The following ST6GAL2 variants were observed in gnomAD, a reference collection of about 807,000 sequenced individuals.
ST6GAL2 encodes beta-galactoside alpha-2,6-sialyltransferase 2.
ST6GAL2 carries 24 observed loss-of-function variants against 37.5 expected under a neutral mutation model. That is an observed-to-expected ratio of 0.64 (90% confidence interval 0.46 to 0.90). The LOEUF is 0.90. Among genes scored for constraint, ST6GAL2 ranks in the 40% least tolerant of loss-of-function variants. The pLI, the probability that ST6GAL2 is intolerant of heterozygous loss-of-function variation, is 0.00. For synonymous variants in ST6GAL2, 306 were observed against 295.1 expected (o/e 1.04, Z -0.38); for missense variants, 715 against 712.7 (o/e 1.00, Z -0.04).
At chr2:106,808,739 A>T (rs945974304) in intron 5 of ST6GAL2, among the ~76,000 whole-genome samples, 1 of 152,210 alleles carries the variant, frequency 6.6e-6, no homozygotes, top group African/African-American at 2.4e-5. Context: ...TCCCCTGTAT[A>T]AAATCATATA....
intron 5 of ST6GAL2, among the ~76,000 whole-genome samples, chr2:106,818,496 G>A (rs1382451593): frequency 6.6e-6 from 1 of 152,166 alleles, no homozygotes; most frequent in Non-Finnish European, 1.5e-5. Context: ...GTCTGCAAGG[G>A]CCACAGTGTT....
intron 4 of ST6GAL2, among the ~76,000 whole-genome samples, chr2:106,830,650 T>C (rs1207886675): frequency 1.3e-5 from 2 of 152,176 alleles, no homozygotes; most frequent in Non-Finnish European, 2.9e-5. Flanking sequence ...AAAACACTAT[T>C]TATTAAAACA....
chr2:106,856,006 C>T (rs1257869104), intron 1 of ST6GAL2, among the ~76,000 whole-genome samples: 1 of 152,224 alleles, frequency 6.6e-6, no homozygotes, highest in Non-Finnish European at 1.5e-5. Flanking sequence ...CGATTACAAT[C>T]CTGACTTTTA....
intron 5 of ST6GAL2, among the ~76,000 whole-genome samples, chr2:106,819,638 G>T (rs1675926762): frequency 1.3e-5 from 2 of 152,046 alleles, no homozygotes; most frequent in South Asian, 4.1e-4. Context: ...TGAAAGAAAA[G>T]AATGTTAATG....
chr2:106,881,753 G>A (rs1282347416), intron 1 of ST6GAL2, among the ~76,000 whole-genome samples: 2 of 152,006 alleles, frequency 1.3e-5, no homozygotes, highest in East Asian at 3.9e-4. Flanking sequence ...TTTTTCTCTC[G>A]GGCTCAAACA....
rs150635754 is a variant in ST6GAL2 at position 106,842,644 on chromosome 2, G to A, written c.943+391C>T. ...AGGATGGGTTCACCGGGCTTTCAGG[G>A]GCCACAGCCTGGGGGCATATCCATG... On this transcript the variant is annotated intron_variant, in intron 2 of 5. Transcript: ENST00000409382. Among the ~76,000 whole-genome samples, 45 of 152,288 alleles carry A rather than the reference G, an allele frequency of 3.0e-4. No homozygotes were observed. In the South Asian group the frequency reaches 5.6e-3, roughly 19 times the overall value.
intron 5 of ST6GAL2, among the ~76,000 whole-genome samples, chr2:106,829,474 G>T (rs1458068910): frequency 6.6e-6 from 1 of 152,152 alleles, no homozygotes; most frequent in Non-Finnish European, 1.5e-5. Flanking sequence ...AGCTGAGCTG[G>T]GCCTTTAGCC....
chr2:106,813,534 A>G lies in ST6GAL2; in HGVS notation c.1319-6585T>C, dbSNP rs116394379. On this transcript the variant is annotated intron_variant, in intron 5 of 5. Transcript: ENST00000409382. ...CTTTATACATCTTTAATTGGCATATATAGATATATTTGATGTGTTATCAGA... is the reference window on the plus strand; with the variant it reads ...CTTTATACATCTTTAATTGGCATATGTAGATATATTTGATGTGTTATCAGA... 2.2e-3 allele frequency among the ~76,000 whole-genome samples: 331 copies of G among 152,318 alleles called. 2 individuals are homozygous for G. The highest frequency in any genetic ancestry group is 7.7e-3 in the African/African-American group (322 of 41,574).
chr2:106,863,470 A>G (rs559550343), intron 1 of ST6GAL2, among the ~76,000 whole-genome samples: 1 of 152,188 alleles, frequency 6.6e-6, no homozygotes, highest in African/African-American at 2.4e-5. Flanking sequence ...AACGGGGTTC[A>G]AAATATTTTG....
intron 5 of ST6GAL2, among the ~76,000 whole-genome samples, chr2:106,810,749 A>T (rs1675576236): frequency 6.6e-6 from 1 of 152,192 alleles, no homozygotes; most frequent in Admixed American, 6.5e-5. Flanking sequence ...CAGGAGTTTG[A>T]CACCAGCCTG....
rs757346984 is a variant in ST6GAL2 at position 106,813,153 on chromosome 2, T to C, written c.1319-6204A>G. 1 of 1,270,820 alleles carries C rather than the reference T, an allele frequency of 7.9e-7. No individual in the cohort carries two copies. The allele number at this position is 1,270,820 out of a possible 1,614,324, so 78.7% of individuals were successfully genotyped here. ...TTTGAGATGGAGTCTCACTCTGTCG[T>C]CCAGGCTGGAGTGCAGTCGCGTGAT... On this transcript the variant is annotated intron_variant, in intron 5 of 5. Coordinates refer to ENST00000409382, the MANE Select transcript of ST6GAL2 (RefSeq NM_001142351.2).
intron 1 of ST6GAL2, among the ~76,000 whole-genome samples, chr2:106,868,400 C>A (rs1558724814): frequency 6.6e-6 from 1 of 152,202 alleles, no homozygotes. Context: ...CTACAGCTTA[C>A]AAAGTGCATT....
At chr2:106,846,876 G>A (rs941592120) in intron 1 of ST6GAL2, among the ~76,000 whole-genome samples, 1 of 152,144 alleles carries the variant, frequency 6.6e-6, no homozygotes, top group African/African-American at 2.4e-5. Flanking sequence ...TTCCAGCATC[G>A]AATTAGATAG....
intron 4 of ST6GAL2, among the ~76,000 whole-genome samples, chr2:106,831,691 G>A (rs1161586630): frequency 6.6e-6 from 1 of 152,164 alleles, no homozygotes; most frequent in African/African-American, 2.4e-5. Flanking sequence ...TGAGGTAAAT[G>A]TCCAGCCTCA....
In ST6GAL2 at chr2:106,836,756, C is replaced by T. The variant is rs867906856; in HGVS notation, c.944-2610G>A. On this transcript the variant is annotated intron_variant, in intron 2 of 5. Transcript: ENST00000409382. ...CAGCCTGACCACCATGGAGAAACCC[C>T]GTCTCTACTAAAAATACAAAAAAAA... 3.8e-5 allele frequency among the ~76,000 whole-genome samples: 5 copies of T among 131,656 alleles called. No homozygotes were observed. In the East Asian group the frequency reaches 1.1e-3, roughly 30 times the overall value. 86.4% of individuals were successfully genotyped at this position (131,656 alleles called of 152,430 possible). A position where few individuals can be genotyped will look rare whatever the true frequency, so the allele number is the denominator to read the frequency against.
chr2:106,826,531 C>T (rs1301407590), intron 5 of ST6GAL2, among the ~76,000 whole-genome samples: 1 of 139,602 alleles, frequency 7.2e-6, no homozygotes. Context: ...CACAGCGAGA[C>T]TCCGTCTCAA....
chr2:106,807,269 CA>C (rs1675447333), intron 5 of ST6GAL2, among the ~76,000 whole-genome samples: 1 of 152,166 alleles, frequency 6.6e-6, no homozygotes, highest in Non-Finnish European at 1.5e-5. Context: ...GACAGATTTG[CA>C]ACCCCCCAAA....
In ST6GAL2 at chr2:106,802,090, C is replaced by T. The variant is rs913958655; in HGVS notation, c.*4588G>A. ...AAGGTAGTGTTCTACCTTCATAGTG[C>T]CTTTTAAATAATTCTGTCAGTCCAT... is the stretch of plus-strand genomic sequence containing the variant. On this transcript the variant is annotated 3_prime_UTR_variant, in exon 6 of 6. Coordinates refer to ENST00000409382, the MANE Select transcript of ST6GAL2 (RefSeq NM_001142351.2). The T allele has an allele frequency of 6.6e-6, 1 of 152,138 alleles. No homozygotes were observed. The highest frequency in any genetic ancestry group is 1.5e-5 in the Non-Finnish European group (1 of 68,044). 9.4% of individuals were successfully genotyped at this position (152,138 alleles called of 1,614,324 possible).
intron 1 of ST6GAL2, chr2:106,885,892 T>A (rs757141019): frequency 6.6e-6 from 1 of 152,186 alleles, no homozygotes; most frequent in Non-Finnish European, 1.5e-5. Context: ...GGGGCACAAC[T>A]GTATCCGCCC....
Sources: allele counts gnomAD v4.1 joint callset (sites outside exome capture counted in the v4.1 genomes callset), GRCh38; gene constraint gnomAD v4.1.1; transcripts MANE v1.5; gene names NCBI Gene and HGNC (gene_info 2026-07-23, HGNC 2026-07-21).